FBXO47: variants seen among roughly 807,000 people sequenced by gnomAD.
The protein encoded by FBXO47 is F-box only protein 47.
FBXO47 carries 34 observed loss-of-function variants against 53.9 expected under a neutral mutation model. The observed-to-expected ratio is 0.63, with a 90% CI of 0.48 to 0.84. The LOEUF (loss-of-function observed/expected upper bound fraction) is 0.84. Ranked by LOEUF, FBXO47 falls within the 40% of genes least tolerant of loss-of-function variation. FBXO47 has a pLI of 0.00. For synonymous variants in FBXO47, 165 were observed against 181.6 expected (o/e 0.91, Z 0.73); for missense variants, 485 against 541.3 (o/e 0.90, Z 1.03).
intron 6 of FBXO47, among the ~76,000 whole-genome samples, chr17:38,951,067 AT>A (rs1008139238): frequency 3.3e-5 from 5 of 151,670 alleles, no homozygotes; most frequent in Non-Finnish European, 5.9e-5. Flanking sequence ...TGGCTGGCTA[AT>A]TTTTTGTAGA....
At chr17:38,944,889 AAT>A in intron 7 of FBXO47, 69 bp downstream of exon 7, 7 of 908,306 alleles carry the variant, frequency 7.7e-6, no homozygotes, top group Non-Finnish European at 9.6e-6. Context: ...ATGCTTCCTA[AAT>A]ATATATATGC....
Position 38,965,273 on chromosome 17 carries a change from A to G in FBXO47, c.-27+1956T>C, listed in dbSNP as rs539326237. ...ACATATACGCATAATTACAACTCCA[A>G]TCGAAGGCTCCTTGTTTCTGAAGTA... On this transcript the variant is annotated intron_variant, in intron 1 of 10. Coordinates refer to ENST00000378079, the MANE Select transcript of FBXO47 (RefSeq NM_001008777.3). Among the ~76,000 whole-genome samples, 26 of 152,338 alleles carry G rather than the reference A, an allele frequency of 1.7e-4. No individual in the cohort carries two copies. In the East Asian group the frequency reaches 4.0e-3, roughly 24 times the overall value.
rs576985785 is a variant in FBXO47, at chr17:38,962,413, C to T, written c.182-366G>A. Among the ~76,000 whole-genome samples the T allele has an allele frequency of 1.2e-4, 19 of 152,070 alleles. No homozygotes were observed. The East Asian group carries it at 2.3e-3, about 19-fold the overall frequency. ...GACAGATCACCTGAGGTCAGGAGTT[C>T]GAGACCAGACTGATCAACATGGACA... On this transcript the variant is annotated intron_variant, in intron 2 of 10. Coordinates refer to ENST00000378079, the MANE Select transcript of FBXO47 (RefSeq NM_001008777.3).
chr17:38,942,857 A>G lies in FBXO47; in HGVS notation c.1004T>C (p.Ile335Thr), dbSNP rs751529737. 22 of 1,613,100 alleles carry G rather than the reference A, an allele frequency of 1.4e-5. No homozygotes were observed. The highest frequency in any genetic ancestry group is 1.9e-5 in the Non-Finnish European group (22 of 1,179,154). ...TTTACTAGCCATGAAACTGAAACAG[A>G]TGTTGTTTCCACTTAGCATTAGGAG... ...ARLLMLSGNNICFSFMASKAV... is the reference protein window; with the variant it reads ...ARLLMLSGNNTCFSFMASKAV... The change falls in exon 9 of 11, where the codon ATC becomes ACC. Residue 335 changes from isoleucine to threonine, a missense_variant. Physicochemically the swap from Ile to Thr is moderately conservative, Grantham distance 89. Coordinates refer to ENST00000378079, the MANE Select transcript of FBXO47 (RefSeq NM_001008777.3).
chr17:38,950,641 G>A (rs1905226479), intron 6 of FBXO47, among the ~76,000 whole-genome samples: 1 of 151,726 alleles, frequency 6.6e-6, no homozygotes, highest in African/African-American at 2.4e-5. Context: ...TGCATATTGT[G>A]GGAGTTTCTC....
At chr17:38,953,152 C>T (rs1295476840) in intron 5 of FBXO47, among the ~76,000 whole-genome samples, 2 of 148,926 alleles carry the variant, frequency 1.3e-5, no homozygotes, top group Non-Finnish European at 3.0e-5. Context: ...CACACACACA[C>T]ACACACACAC....
At chr17:38,939,323 A>AAAAAATAT (rs1555559726) in intron 9 of FBXO47, among the ~76,000 whole-genome samples, 8 of 50,166 alleles carry the variant, frequency 1.6e-4, no homozygotes, top group African/African-American at 5.3e-4. Flanking sequence ...AAAAAAAAAA[A>AAAAAATAT]ATATATATAT....
chr17:38,946,981 AATAT>A (rs71141739), intron 6 of FBXO47, among the ~76,000 whole-genome samples: 1 of 129,092 alleles, frequency 7.7e-6, no homozygotes, highest in Non-Finnish European at 1.6e-5. Flanking sequence ...AATATATGTA[AATAT>A]ATATAAACAT....
At chr17:38,945,220 C>T (rs1904701154) in intron 6 of FBXO47, 84 bp from the exon 7 acceptor site, 10 of 968,810 alleles carry the variant, frequency 1.0e-5, no homozygotes, top group Non-Finnish European at 1.4e-5. Context: ...ACTTATTAAT[C>T]ATTATGGTTA....
chr17:38,962,906 T>C lies in FBXO47; in HGVS notation c.120A>G (p.Thr40=). 1 of 1,613,344 alleles carries C rather than the reference T, an allele frequency of 6.2e-7. No homozygotes were observed. Among genetic ancestry groups the C allele is most frequent in the East Asian group, 2.2e-5 (1 of 44,832 alleles). Residue 40 remains threonine, a synonymous_variant, in exon 2 of 11, where the codon ACA becomes ACG. Coordinates refer to ENST00000378079, the MANE Select transcript of FBXO47 (RefSeq NM_001008777.3). ...ATGGTAAGGCTTTAAAATTTCCAAA[T>C]GTTGATATGGGTTGAAAGCCTGAGC... ...TLGSGFQPIS[T]FGNFKALPLE...
At chr17:38,944,191 A>ATGTGTGTGTGTGTGTGTG (rs71141737) in intron 7 of FBXO47, among the ~76,000 whole-genome samples, 6 of 133,704 alleles carry the variant, frequency 4.5e-5, no homozygotes, top group African/African-American at 1.7e-4. Flanking sequence ...CAAAAAAAAC[A>ATGTGTGTGTGTGTGTGTG]TGTGTGTGTG....
chr17:38,937,102 T>C lies in FBXO47; in HGVS notation c.*73A>G. ...ATAAAAAGTCCCATGGATGCTATTTTTTGAGTGAAAAAGTAGCACTCCTCT... is the reference window on the plus strand; with the variant it reads ...ATAAAAAGTCCCATGGATGCTATTTCTTGAGTGAAAAAGTAGCACTCCTCT... On this transcript the variant is annotated 3_prime_UTR_variant, in exon 11 of 11. Coordinates refer to ENST00000378079, the MANE Select transcript of FBXO47 (RefSeq NM_001008777.3). 1 of 590,356 alleles carries C rather than the reference T, an allele frequency of 1.7e-6. No individual in the cohort carries two copies. The highest frequency in any genetic ancestry group is 3.0e-6 in the Non-Finnish European group (1 of 338,434). The allele number at this position is 590,356 out of a possible 1,614,324, so 36.6% of individuals were successfully genotyped here.
chr17:38,952,616 G>A (rs148049626), intron 5 of FBXO47, among the ~76,000 whole-genome samples: 1 of 151,900 alleles, frequency 6.6e-6, no homozygotes, highest in East Asian at 1.9e-4. Flanking sequence ...GGTTTAAATG[G>A]TACTGAATCC....
intron 6 of FBXO47, among the ~76,000 whole-genome samples, chr17:38,946,833 AATAT>A (rs375802551): frequency 2.8e-5 from 3 of 108,032 alleles, no homozygotes; most frequent in Admixed American, 1.3e-4. Flanking sequence ...TAAATATATA[AATAT>A]ATATAAACAT....
intron 4 of FBXO47, among the ~76,000 whole-genome samples, chr17:38,956,207 G>T (rs1016575296): frequency 3.3e-5 from 5 of 152,050 alleles, no homozygotes; most frequent in African/African-American, 1.2e-4. Flanking sequence ...CATACAGAGC[G>T]GTTTGGGGAG....
chr17:38,945,262 T>G (rs1045454846), intron 6 of FBXO47, 126 bp from the exon 7 acceptor site: 2 of 645,218 alleles, frequency 3.1e-6, no homozygotes, highest in African/African-American at 3.7e-5. Flanking sequence ...AAACAGGAAG[T>G]AACCAAGAGA....
chr17:38,959,797 C>G (rs1905738342), intron 3 of FBXO47, among the ~76,000 whole-genome samples: 1 of 151,786 alleles, frequency 6.6e-6, no homozygotes, highest in South Asian at 2.1e-4. Context: ...AGGTTTTGTC[C>G]TCTAATTTGT....
chr17:38,952,767 T>C (rs1295493765), intron 5 of FBXO47, among the ~76,000 whole-genome samples: 4 of 151,334 alleles, frequency 2.6e-5, no homozygotes, highest in Non-Finnish European at 5.9e-5. Flanking sequence ...TGCTTATAAA[T>C]GAGAATGATC....
At chr17:38,945,948 A>ATAT (rs1555560608) in intron 6 of FBXO47, among the ~76,000 whole-genome samples, 120 of 117,114 alleles carry the variant, frequency 1.0e-3, no homozygotes, top group African/African-American at 9.5e-4. Flanking sequence ...AAAAAAAAAA[A>ATAT]ATATATATAT....
Sources: gnomAD v4.1 joint callset for allele counts (sites outside exome capture counted in the v4.1 genomes callset) on GRCh38, gnomAD v4.1.1 for gene constraint, MANE v1.5 for transcripts, NCBI Gene and HGNC (gene_info 2026-07-23, HGNC 2026-07-21) for gene names.